Variants in BMP1 observed in about 807,000 individuals in gnomAD.
BMP1 encodes the protein bone morphogenetic protein 1.
A neutral mutation model predicts 116.8 loss-of-function variants in BMP1; 63 were observed. That is an observed-to-expected ratio of 0.54 (90% CI 0.44 to 0.67). The LOEUF (loss-of-function observed/expected upper bound fraction) is 0.67, where lower values mean the gene tolerates loss of function less well. Ranked by LOEUF, BMP1 falls within the 30% of genes least tolerant of loss-of-function variation. The probability of loss-of-function intolerance (pLI) is 0.00; values close to 1 mark genes in which losing one functional copy is unlikely to be tolerated. For missense variants in BMP1, 1,183 were observed against 1,358.9 expected (o/e 0.87, Z 2.04); for synonymous variants, 536 against 533.4 (o/e 1.00, Z -0.07).
chr8:22,194,412 C>G lies in BMP1; in HGVS notation c.1298-33C>G. 6.2e-7 allele frequency: 1 copy of G among 1,612,122 alleles called. No homozygotes were observed. Among genetic ancestry groups the G allele is most frequent in the Non-Finnish European group, 8.5e-7 (1 of 1,178,882 alleles). ...AGCAGGGCAAAGCATGCTGACTCAC[C>G]ACCCCTTCCCACCCCATCCTGTGTC... is the stretch of plus-strand genomic sequence containing the variant. On this transcript the variant is annotated intron_variant, in intron 10 of 19. Transcript: ENST00000306385. The surrounding 1 kb of genome is among the most constrained non-coding windows in gnomAD (Gnocchi z 4.5).
In BMP1 at chr8:22,208,784, G is replaced by A. The variant is rs1829410181; in HGVS notation, c.2576-661G>A. On this transcript the variant is annotated intron_variant, in intron 18 of 19. Coordinates refer to ENST00000306385, the MANE Select transcript of BMP1 (RefSeq NM_006129.5). The stretch of plus-strand genomic sequence containing the variant: ...TGTCAGGGCATCCCCAGAGCTGATG[G>A]TCCACAGCCTCCCCTCTTCCCCTTC... 3.3e-5 allele frequency among the ~76,000 whole-genome samples: 5 copies of A among 152,184 alleles called. No homozygotes were observed. The South Asian group carries it at 1.0e-3, about 31-fold the overall frequency.
At chr8:22,166,656 G>A (rs770536444) in intron 1 of BMP1, among the ~76,000 whole-genome samples, 1 of 152,182 alleles carries the variant, frequency 6.6e-6, no homozygotes, top group Non-Finnish European at 1.5e-5. Flanking sequence ...CACCAGGGGC[G>A]GAGGGGCAGG....
intron 2 of BMP1, 114 bp downstream of exon 2, chr8:22,173,829 G>A: frequency 1.4e-6 from 1 of 721,500 alleles, no homozygotes; most frequent in East Asian, 2.9e-5. Flanking sequence ...CCATGAGTTT[G>A]ACCCCAGCAC....
chr8:22,168,718 C>T (rs920571156), intron 1 of BMP1, among the ~76,000 whole-genome samples: 2 of 152,166 alleles, frequency 1.3e-5, no homozygotes, highest in Non-Finnish European at 2.9e-5. Flanking sequence ...AGACCACATT[C>T]CCCCTCTAGA....
chr8:22,168,844 G>A (rs1045867512), intron 1 of BMP1, among the ~76,000 whole-genome samples: 23 of 152,100 alleles, frequency 1.5e-4, no homozygotes, highest in African/African-American at 2.7e-4. Flanking sequence ...GGGGCAGGGC[G>A]GGGCAGTGGG....
intron 8 of BMP1, among the ~76,000 whole-genome samples, chr8:22,190,897 T>C (rs556239038): frequency 7.3e-4 from 111 of 152,292 alleles, no homozygotes; most frequent in African/African-American, 2.5e-3. Context: ...GAGTGTCCGC[T>C]GCACTGGCCT....
In BMP1 at chr8:22,211,934, G is replaced by A. The variant is rs1487760447; in HGVS notation, c.*206G>A. 2.3e-5 allele frequency: 16 copies of A among 701,354 alleles called. No homozygotes were observed. Among genetic ancestry groups the A allele is most frequent in the Non-Finnish European group, 3.5e-5 (15 of 432,090 alleles). 43.4% of individuals were successfully genotyped at this position (701,354 alleles called of 1,614,324 possible). ...TTCCCCACAAACCCCCACCAGCAAG[G>A]GGCTGGGGCCAGGGAGCAGAGCTTC... On this transcript the variant is annotated 3_prime_UTR_variant, in exon 20 of 20. Coordinates refer to ENST00000306385, the MANE Select transcript of BMP1 (RefSeq NM_006129.5).
At chr8:22,173,288 T>G (rs1020076876) in intron 1 of BMP1, among the ~76,000 whole-genome samples, 8 of 152,096 alleles carry the variant, frequency 5.3e-5, no homozygotes, top group Admixed American at 2.6e-4. Flanking sequence ...CCTGCTAATT[T>G]TAAATAATTA....
In BMP1 at chr8:22,177,971, T is replaced by C. The variant is rs200603354; in HGVS notation, c.836+14T>C. The C allele has an allele frequency of 3.1e-5, 50 of 1,593,952 alleles. No individual in the cohort carries two copies. In the Middle Eastern group the frequency reaches 6.7e-4, roughly 21 times the overall value. On this transcript the variant is annotated intron_variant, in intron 6 of 19. Coordinates refer to ENST00000306385, the MANE Select transcript of BMP1 (RefSeq NM_006129.5). The stretch of plus-strand genomic sequence containing the variant: ...CACATTCTCCAGGTGGGAGACGGGA[T>C]TGGGGCTGGGCCTCTGCTCGGGCAG...
At chr8:22,195,409 G>C (rs569167935) in intron 12 of BMP1, 53 bp from the exon 13 acceptor site, 14 of 1,561,224 alleles carry the variant, frequency 9.0e-6, no homozygotes, top group Non-Finnish European at 1.2e-5. Context: ...CTCACAGCCA[G>C]CTTCTTCCCT....
At chr8:22,201,403 C>T in intron 15 of BMP1, 1 of 1,441,942 alleles carries the variant, frequency 6.9e-7, no homozygotes, top group Non-Finnish European at 9.0e-7. Flanking sequence ...GCCCTACCCC[C>T]TCCCATTTTG....
Position 22,210,606 on chromosome 8 carries a change from T to C in BMP1, c.2826+911T>C, listed in dbSNP as rs938791230. Among the ~76,000 whole-genome samples, 4 of 152,216 alleles carry C rather than the reference T, an allele frequency of 2.6e-5. 1 individual carries two copies. Among genetic ancestry groups the C allele is most frequent in the Admixed American group, 2.0e-4 (3 of 15,300 alleles). On this transcript the variant is annotated intron_variant, in intron 19 of 19. Coordinates refer to ENST00000306385, the MANE Select transcript of BMP1 (RefSeq NM_006129.5). The stretch of plus-strand genomic sequence containing the variant: ...TGGGTGCCCCAGGAAGGGTTAAAGC[T>C]CCTGGAAGCTGCAGCAGCTGCTGGA...
Position 22,194,241 on chromosome 8 carries a change from C to T in BMP1, c.1297+67C>T, listed in dbSNP as rs1829013690. 2.0e-6 allele frequency: 3 copies of T among 1,524,896 alleles called. No homozygotes were observed. The highest frequency in any genetic ancestry group is 1.1e-5 in the South Asian group (1 of 88,902). The allele number at this position is 1,524,896 out of a possible 1,614,324, so 94.5% of individuals were successfully genotyped here. On this transcript the variant is annotated intron_variant, in intron 10 of 19. Transcript: ENST00000306385. The surrounding 1 kb of genome is among the most constrained non-coding windows in gnomAD (Gnocchi z 4.5). ...TCTCTGGGCATGGTAAAACAACTCC[C>T]TCCTGGCACCTGAGGGGCAAGATTG...
Position 22,209,549 on chromosome 8 carries a change from A to G in BMP1, c.2680A>G (p.Ile894Val). 1 of 1,614,178 alleles carries G rather than the reference A, an allele frequency of 6.2e-7. No homozygotes were observed. Among genetic ancestry groups the G allele is most frequent in the Non-Finnish European group, 8.5e-7 (1 of 1,180,014 alleles). Residue 894 changes from isoleucine (I) to valine (V), a missense_variant, in exon 19 of 20, where the codon ATT (isoleucine) becomes GTT (valine). By Grantham distance (29) the Ile-to-Val change is conservative. Transcript: ENST00000306385. ...YPGGVDCEWV[I>V]VAEEGYGVEL... ...TGGGGGTGTGGACTGTGAGTGGGTC[A>G]TTGTGGCCGAGGAAGGCTACGGCGT... is the stretch of plus-strand genomic sequence containing the variant.
At chr8:22,188,875 C>T (rs1247404615) in intron 8 of BMP1, among the ~76,000 whole-genome samples, 4 of 152,188 alleles carry the variant, frequency 2.6e-5, no homozygotes, top group African/African-American at 7.2e-5. Flanking sequence ...GGAAAGCGGG[C>T]GCTTGTCCTC....
intron 8 of BMP1, among the ~76,000 whole-genome samples, chr8:22,189,466 C>A (rs995906321): frequency 3.5e-4 from 31 of 88,476 alleles, no homozygotes; most frequent in East Asian, 1.3e-3. Context: ...ACACACATAT[C>A]TTATATATTA....
At chr8:22,187,453 C>T (rs1010783510) in intron 8 of BMP1, among the ~76,000 whole-genome samples, 7 of 151,328 alleles carry the variant, frequency 4.6e-5, no homozygotes, top group Admixed American at 4.6e-4. Context: ...GCCTCAGCCT[C>T]CTCAGTAGCT....
In BMP1 at chr8:22,197,443, C is replaced by G. The variant is rs202234978; in HGVS notation, c.2107+23C>G. On this transcript the variant is annotated intron_variant, in intron 15 of 19. Coordinates refer to ENST00000306385, the MANE Select transcript of BMP1 (RefSeq NM_006129.5). ...CAGGTATCCCTGGACTGCCCAGCTC[C>G]TAGCCCCACCTCTCCTCGGAGAACA... 6.9e-6 allele frequency: 11 copies of G among 1,585,518 alleles called. No individual in the cohort carries two copies. The South Asian group carries it at 1.1e-4, about 16-fold the overall frequency.
intron 19 of BMP1, among the ~76,000 whole-genome samples, chr8:22,209,965 T>C (rs981628981): frequency 8.5e-5 from 13 of 152,282 alleles, no homozygotes; most frequent in Non-Finnish European, 1.0e-4. Flanking sequence ...TCAGAACCAG[T>C]TGGCCACGGC....
Sources: allele counts gnomAD v4.1 joint callset (sites outside exome capture counted in the v4.1 genomes callset), GRCh38; gene constraint gnomAD v4.1.1; non-coding constraint Gnocchi (gnomAD v3.1); transcripts MANE v1.5; gene names NCBI Gene and HGNC (gene_info 2026-07-23, HGNC 2026-07-21).